LGALS14: variants seen among roughly 807,000 people sequenced by gnomAD.
LGALS14 encodes galectin 14.
LGALS14 carries 14 observed loss-of-function variants against 14.6 expected under a neutral mutation model. That is an observed-to-expected ratio of 0.96 (90% CI 0.64 to 1.50). The LOEUF (loss-of-function observed/expected upper bound fraction) is 1.50, where lower values mean the gene tolerates loss of function less well. LGALS14 is among the 40% of genes most tolerant of loss of function. LGALS14 has a pLI of 0.00. For missense variants in LGALS14, 180 were observed against 172.0 expected, an observed-to-expected ratio of 1.05 and a Z score of -0.26; for synonymous variants, 57 against 63.9, an observed-to-expected ratio of 0.89 and a Z score of 0.51.
intron 2 of LGALS14, among the ~76,000 whole-genome samples, chr19:39,706,898 G>C (rs1315834006): frequency 6.6e-6 from 1 of 152,172 alleles, no homozygotes; most frequent in African/African-American, 2.4e-5. Flanking sequence ...GTGGGTTTGG[G>C]TTGTGGCTCT....
chr19:39,709,179 G>A lies in LGALS14; in HGVS notation c.304-18G>A. 1 of 1,478,244 alleles carries A rather than the reference G, an allele frequency of 6.8e-7. No homozygotes were observed. Among genetic ancestry groups the A allele is most frequent in the Non-Finnish European group, 9.5e-7 (1 of 1,056,090 alleles). 91.6% of individuals were successfully genotyped at this position (1,478,244 alleles called of 1,614,324 possible). On this transcript the variant is annotated intron_variant, in intron 3 of 3. Transcript: ENST00000392052. The stretch of plus-strand genomic sequence containing the variant: ...TTTGGTGGCATGCTGTCTTTCTGAT[G>A]CATTTTTCCTCTTGTAGGTAATGGT...
rs763348331 is a variant in LGALS14, at chr19:39,706,579, C to T, written c.16-18C>T. On this transcript the variant is annotated intron_variant, in intron 1 of 3. Transcript: ENST00000392052. The stretch of plus-strand genomic sequence containing the variant: ...CACCTTACCCTTTAGCTCTCACTCA[C>T]TCTCCATACCCTGGCAGGTACCATA... 5.0e-6 allele frequency: 8 copies of T among 1,605,042 alleles called. No homozygotes were observed. The South Asian group carries it at 6.6e-5, about 13-fold the overall frequency.
intron 1 of LGALS14, 34 bp from the exon 2 acceptor site, chr19:39,706,563 C>A (rs1336064097): frequency 1.9e-6 from 3 of 1,545,580 alleles, no homozygotes; most frequent in Middle Eastern, 1.7e-4. Flanking sequence ...ACACCTTACC[C>A]TTTAGCTCTC....
At chr19:39,706,715 G>A (rs979191771) in intron 2 of LGALS14, 42 bp downstream of exon 2, 4 of 1,480,822 alleles carry the variant, frequency 2.7e-6, no homozygotes, top group South Asian at 2.3e-5. Flanking sequence ...GAGGAGAGAA[G>A]GGAGAATATT....
chr19:39,706,132 AT>A (rs1170878537), intron 1 of LGALS14: 6 of 1,384,900 alleles, frequency 4.3e-6, no homozygotes, highest in Non-Finnish European at 5.9e-6. Context: ...TCTTGTTTTC[AT>A]TTTCTGAGTT....
intron 2 of LGALS14, 34 bp from the exon 3 acceptor site, chr19:39,707,144 G>T (rs772502347): frequency 1.3e-6 from 2 of 1,521,576 alleles, no homozygotes; most frequent in African/African-American, 1.4e-5. Flanking sequence ...ACAATGGGGG[G>T]ACCTGCCCAA....
rs762391646 is a variant in LGALS14, at chr19:39,707,279, A to G, written c.194A>G (p.Asn65Ser). 2.5e-6 allele frequency: 4 copies of G among 1,613,962 alleles called. No individual in the cohort carries two copies. Among genetic ancestry groups the G allele is most frequent in the Non-Finnish European group, 2.5e-6 (3 of 1,179,928 alleles). Reference sequence around the variant, plus strand: ...CACTTTGGTCATCCTGCAATCATGAACAGTTGTGTGTTTGGCATATGGAGA... The same window carrying G: ...CACTTTGGTCATCCTGCAATCATGAGCAGTTGTGTGTTTGGCATATGGAGA... The part of the protein sequence containing the change: ...RLHFGHPAIM[N>S]SCVFGIWRYE... Residue 65 changes from asparagine to serine, a missense_variant, in exon 3 of 4, where the codon AAC (asparagine) becomes AGC (serine). Coordinates refer to ENST00000392052, the MANE Select transcript of LGALS14 (RefSeq NM_020129.3).
chr19:39,709,408 C>T lies in LGALS14; in HGVS notation c.*95C>T, dbSNP rs1249112022. 8.3e-6 allele frequency: 6 copies of T among 721,824 alleles called. No homozygotes were observed. The highest frequency in any genetic ancestry group is 2.0e-5 in the Admixed American group (1 of 49,716). The allele number at this position is 721,824 out of a possible 1,614,324, so 44.7% of individuals were successfully genotyped here. The stretch of plus-strand genomic sequence containing the variant: ...ACTAACAGAATAATCCCTCCTCACC[C>T]CTTCCCCTACACTTGATCATTAAAA... On this transcript the variant is annotated 3_prime_UTR_variant, in exon 4 of 4. Transcript: ENST00000392052.
rs777423708 is a variant in LGALS14 at position 39,705,964 on chromosome 19, T to C, written c.16-633T>C. On this transcript the variant is annotated intron_variant, in intron 1 of 3. Coordinates refer to ENST00000392052, the MANE Select transcript of LGALS14 (RefSeq NM_020129.3). Reference sequence around the variant, plus strand: ...AGTACTGGGGCTGTGCTGTCAGTAATGTGTGCCGCTTCTGGGAAGGACGTC... The same window carrying C: ...AGTACTGGGGCTGTGCTGTCAGTAACGTGTGCCGCTTCTGGGAAGGACGTC... 3.1e-6 allele frequency: 5 copies of C among 1,613,868 alleles called. No homozygotes were observed. In the African/African-American group the frequency reaches 4.0e-5, roughly 13 times the overall value.
chr19:39,706,328 G>A (rs2144896757), intron 1 of LGALS14, among the ~76,000 whole-genome samples: 1 of 152,268 alleles, frequency 6.6e-6, no homozygotes, highest in South Asian at 2.1e-4. Context: ...CTGAGGCAGG[G>A]AGAGGTTAAG....
At chr19:39,706,047 T>C in intron 1 of LGALS14, 1 of 1,609,468 alleles carries the variant, frequency 6.2e-7, no homozygotes, top group Non-Finnish European at 8.5e-7. Flanking sequence ...TTCCTGTTCT[T>C]TCGTCATTTC....
chr19:39,708,676 C>A (rs1973753767), intron 3 of LGALS14, among the ~76,000 whole-genome samples: 1 of 152,116 alleles, frequency 6.6e-6, no homozygotes, highest in South Asian at 2.1e-4. Flanking sequence ...AGATAATATC[C>A]TATGTTTTAC....
At chr19:39,708,956 T>C (rs1031158253) in intron 3 of LGALS14, among the ~76,000 whole-genome samples, 2 of 152,214 alleles carry the variant, frequency 1.3e-5, no homozygotes, top group African/African-American at 2.4e-5. Context: ...GTAAACGGAC[T>C]GTGTGACACG....
chr19:39,705,869 AC>A (rs1020483353), intron 1 of LGALS14: 4 of 1,610,560 alleles, frequency 2.5e-6, no homozygotes, highest in Non-Finnish European at 3.4e-6. Flanking sequence ...ATCATCAACC[AC>A]TTGCAGTCGT....
chr19:39,708,425 C>T (rs1973750145), intron 3 of LGALS14, among the ~76,000 whole-genome samples: 1 of 151,916 alleles, frequency 6.6e-6, no homozygotes, highest in South Asian at 2.1e-4. Context: ...CTTGTCATTA[C>T]TAATTTCCCA....
chr19:39,707,083 C>A, intron 2 of LGALS14, 95 bp from the exon 3 acceptor site: 1 of 974,106 alleles, frequency 1.0e-6, no homozygotes, highest in Non-Finnish European at 1.6e-6. Context: ...AGACTTTTTG[C>A]CCTGGGTAAA....
intron 1 of LGALS14, among the ~76,000 whole-genome samples, chr19:39,705,278 G>T (rs960295197): frequency 6.6e-6 from 1 of 152,160 alleles, no homozygotes; most frequent in Non-Finnish European, 1.5e-5. Context: ...GGGAGAGATG[G>T]TTCCTCAGGT....
chr19:39,708,838 A>G (rs1973756099), intron 3 of LGALS14, among the ~76,000 whole-genome samples: 1 of 152,202 alleles, frequency 6.6e-6, no homozygotes, highest in Non-Finnish European at 1.5e-5. Flanking sequence ...TTCAATGAAC[A>G]TGGCCTCGCA....
intron 3 of LGALS14, among the ~76,000 whole-genome samples, chr19:39,708,123 CT>C (rs1555774650): frequency 6.6e-6 from 1 of 152,144 alleles, no homozygotes; most frequent in Non-Finnish European, 1.5e-5. Context: ...CAGAGGAAAT[CT>C]TTTCCTATGG....
Sources: gnomAD v4.1 joint callset for allele counts (sites outside exome capture counted in the v4.1 genomes callset) on GRCh38, gnomAD v4.1.1 for gene constraint, MANE v1.5 for transcripts, NCBI Gene and HGNC (gene_info 2026-07-23, HGNC 2026-07-21) for gene names.